PPARGC1A: variants seen among roughly 807,000 people sequenced by gnomAD.
PPARGC1A encodes peroxisome proliferator-activated receptor gamma coactivator 1-alpha.
In PPARGC1A, 25 loss-of-function variants were observed where a neutral mutation model predicts 88.7. The ratio of observed to expected loss-of-function variants is 0.28; its 90% confidence interval spans 0.21 to 0.39. The LOEUF is 0.39. Among genes scored for constraint, PPARGC1A ranks in the 10% least tolerant of loss-of-function variants. The pLI, the probability that PPARGC1A is intolerant of heterozygous loss-of-function variation, is 1.00. For missense variants in PPARGC1A, 880 were observed against 968.7 expected (o/e 0.91, Z 1.22); for synonymous variants, 363 against 355.6 (o/e 1.02, Z -0.24).
chr4:24,197,622 T>C, the PPARGC1A span, among the ~76,000 whole-genome samples: 1 of 152,180 alleles, frequency 6.6e-6, no homozygotes, highest in Non-Finnish European at 1.5e-5. Context: ...TCCTATTCTG[T>C]GATCTGATCA....
At chr4:24,260,962 T>C in the PPARGC1A span, among the ~76,000 whole-genome samples, 8 of 152,282 alleles carry the variant, frequency 5.3e-5, no homozygotes, top group African/African-American at 1.9e-4. Flanking sequence ...CCAATAAGTT[T>C]TGCCAGTTAC....
the PPARGC1A span, among the ~76,000 whole-genome samples, chr4:23,978,667 T>C: frequency 6.6e-6 from 1 of 152,186 alleles, no homozygotes; most frequent in Admixed American, 6.5e-5. Context: ...CCACTTCATT[T>C]CTGGGGAATT....
At chr4:24,002,628 G>A in the PPARGC1A span, among the ~76,000 whole-genome samples, 1 of 146,514 alleles carries the variant, frequency 6.8e-6, no homozygotes, top group South Asian at 2.2e-4. Flanking sequence ...TTTAAGCAAC[G>A]ATGACAATAT....
At chr4:24,397,672 C>G in the PPARGC1A span, among the ~76,000 whole-genome samples, 1 of 152,204 alleles carries the variant, frequency 6.6e-6, no homozygotes, top group Non-Finnish European at 1.5e-5. Context: ...AAATGAAAGT[C>G]AGATGTGGTG....
chr4:24,387,660 C>T, the PPARGC1A span, among the ~76,000 whole-genome samples: 1 of 151,076 alleles, frequency 6.6e-6, no homozygotes, highest in Non-Finnish European at 1.5e-5. Context: ...TTGCTTGAAC[C>T]CAGGAGGTGG....
intron 5 of PPARGC1A, among the ~76,000 whole-genome samples, chr4:23,827,159 A>G (rs1560386345): frequency 1.3e-5 from 2 of 152,150 alleles, no homozygotes; most frequent in Admixed American, 6.6e-5. Context: ...ATATTTTCCC[A>G]AACTGACAGA....
the PPARGC1A span, among the ~76,000 whole-genome samples, chr4:24,190,611 C>A: frequency 6.6e-6 from 1 of 152,150 alleles, no homozygotes; most frequent in Non-Finnish European, 1.5e-5. Flanking sequence ...CTCAATGCCC[C>A]ATTAACTAGG....
the PPARGC1A span, among the ~76,000 whole-genome samples, chr4:23,919,339 T>TA: frequency 6.6e-6 from 1 of 152,050 alleles, no homozygotes; most frequent in Non-Finnish European, 1.5e-5. Context: ...TTCACATACT[T>TA]ACCACATGCA....
the PPARGC1A span, among the ~76,000 whole-genome samples, chr4:24,469,691 G>A: frequency 6.6e-6 from 1 of 152,138 alleles, no homozygotes; most frequent in African/African-American, 2.4e-5. Flanking sequence ...AGCAACATGA[G>A]TATCCCCTTC....
At chr4:23,946,374 C>T in the PPARGC1A span, among the ~76,000 whole-genome samples, 2 of 152,074 alleles carry the variant, frequency 1.3e-5, no homozygotes, top group Non-Finnish European at 2.9e-5. Flanking sequence ...CACTTCTTGT[C>T]GACATCAAGC....
chr4:23,934,432 G>A, the PPARGC1A span, among the ~76,000 whole-genome samples: 105 of 152,232 alleles, frequency 6.9e-4, no homozygotes, highest in Non-Finnish European at 1.4e-3. Context: ...ACCTTTTCCC[G>A]CAACCACCCC....
chr4:24,346,582 T>C, the PPARGC1A span, among the ~76,000 whole-genome samples: 2 of 152,182 alleles, frequency 1.3e-5, no homozygotes, highest in African/African-American at 4.8e-5. Context: ...ATAGTAGCCT[T>C]GAATCATCTT....
chr4:24,027,219 C>G, the PPARGC1A span, among the ~76,000 whole-genome samples: 112,074 of 141,222 alleles, frequency 0.79, 44,688 homozygotes, highest in Admixed American at 0.87. Context: ...GTGTGTGTGT[C>G]TGTGTGTCTG....
the PPARGC1A span, among the ~76,000 whole-genome samples, chr4:24,222,887 T>C: frequency 2.0e-5 from 3 of 152,214 alleles, no homozygotes; most frequent in African/African-American, 7.2e-5. Context: ...ATCTATCTTA[T>C]GCCACCTCCC....
At chr4:24,167,008 G>A in the PPARGC1A span, among the ~76,000 whole-genome samples, 2 of 152,146 alleles carry the variant, frequency 1.3e-5, no homozygotes, top group African/African-American at 4.8e-5. Flanking sequence ...AGCTATAGTG[G>A]CCATACATAG....
the PPARGC1A span, among the ~76,000 whole-genome samples, chr4:23,957,690 T>C: frequency 6.6e-6 from 1 of 151,924 alleles, no homozygotes; most frequent in Non-Finnish European, 1.5e-5. Context: ...TACTGTCTGA[T>C]GGGAGAGAGA....
At chr4:23,860,748 A>G (rs887644767) in intron 2 of PPARGC1A, among the ~76,000 whole-genome samples, 1 of 152,212 alleles carries the variant, frequency 6.6e-6, no homozygotes, top group Non-Finnish European at 1.5e-5. Flanking sequence ...GAAAAATTCT[A>G]AAAAGTCAAG....
the PPARGC1A span, among the ~76,000 whole-genome samples, chr4:24,276,384 T>G: frequency 3.9e-5 from 6 of 152,186 alleles, no homozygotes; most frequent in African/African-American, 1.4e-4. Context: ...CACTGGTGAC[T>G]TCCATTCCTA....
At chr4:23,992,013 T>G in the PPARGC1A span, among the ~76,000 whole-genome samples, 1 of 152,122 alleles carries the variant, frequency 6.6e-6, no homozygotes, top group Non-Finnish European at 1.5e-5. Flanking sequence ...GGTACTGCAT[T>G]TGGGAAGAAA....
Sources: gnomAD v4.1 joint callset for allele counts (sites outside exome capture counted in the v4.1 genomes callset) on GRCh38, gnomAD v4.1.1 for gene constraint, MANE v1.5 for transcripts, NCBI Gene and HGNC (gene_info 2026-07-23, HGNC 2026-07-21) for gene names.